Variants in GAB2 observed in about 807,000 individuals in gnomAD.
The protein encoded by GAB2 is GRB2-associated-binding protein 2.
A neutral mutation model predicts 65.5 loss-of-function variants in GAB2; 26 were observed. That is an observed-to-expected ratio of 0.40 (90% confidence interval 0.29 to 0.55). The LOEUF (loss-of-function observed/expected upper bound fraction) is 0.55. Ranked by LOEUF, GAB2 falls within the 20% of genes least tolerant of loss-of-function variation. The pLI is 0.53. For missense variants in GAB2, 884 were observed against 875.8 expected, an observed-to-expected ratio of 1.01 and a Z score of -0.12; for synonymous variants, 321 against 329.6, an observed-to-expected ratio of 0.97 and a Z score of 0.28.
intron 1 of GAB2, among the ~76,000 whole-genome samples, chr11:78,343,348 C>CA (rs1465378522): frequency 8.6e-6 from 1 of 115,762 alleles, no homozygotes; most frequent in East Asian, 2.9e-4. Flanking sequence ...CAATGTAGTA[C>CA]AAGAAGGAAT....
intron 1 of GAB2, among the ~76,000 whole-genome samples, chr11:78,304,921 T>TA (rs1425101572): frequency 5.3e-5 from 8 of 152,358 alleles, no homozygotes; most frequent in Admixed American, 2.6e-4. Flanking sequence ...CAAACTGCTT[T>TA]AATGTGATAT....
intron 1 of GAB2, among the ~76,000 whole-genome samples, chr11:78,377,146 A>G (rs1302179410): frequency 6.6e-6 from 1 of 152,122 alleles, no homozygotes; most frequent in Non-Finnish European, 1.5e-5. Flanking sequence ...AAACCAATTA[A>G]ATCTATTTTC....
At chr11:78,317,103 G>T (rs925996641) in intron 1 of GAB2, among the ~76,000 whole-genome samples, 1 of 152,138 alleles carries the variant, frequency 6.6e-6, no homozygotes, top group South Asian at 2.1e-4. Flanking sequence ...GATTCAGAGA[G>T]ACAAAAAATA....
intron 1 of GAB2, among the ~76,000 whole-genome samples, chr11:78,285,253 G>A (rs117533921): frequency 6.6e-6 from 1 of 152,178 alleles, no homozygotes; most frequent in African/African-American, 2.4e-5. Context: ...TGGTATGCAG[G>A]TGCAAGCACA....
At position 78,392,895 on chromosome 11, in the gene GAB2, A is replaced by G. The variant is rs186961252; in HGVS notation, c.75+24751T>C. On this transcript the variant is annotated intron_variant, in intron 1 of 9. Transcript: ENST00000361507. ...CACTCCAAGTGGAGTTAATCACCCT[A>G]TTCTACTTTCTTGCAACACTTTCCA... Among the ~76,000 whole-genome samples, 3 of 152,262 alleles carry G rather than the reference A, an allele frequency of 2.0e-5. No homozygotes were observed. In the East Asian group the frequency reaches 5.8e-4, roughly 29 times the overall value.
At chr11:78,283,175 T>C (rs1866377660) in intron 1 of GAB2, among the ~76,000 whole-genome samples, 1 of 152,212 alleles carries the variant, frequency 6.6e-6, no homozygotes, top group Non-Finnish European at 1.5e-5. Flanking sequence ...CTCTTTTATA[T>C]CTTATTTCAT....
chr11:78,391,860 T>A (rs1404573521), intron 1 of GAB2, among the ~76,000 whole-genome samples: 1 of 152,188 alleles, frequency 6.6e-6, no homozygotes, highest in Non-Finnish European at 1.5e-5. Context: ...CTTTTGGGCA[T>A]GCTTTAATCA....
intron 1 of GAB2, among the ~76,000 whole-genome samples, chr11:78,316,611 T>C (rs987870459): frequency 6.6e-6 from 1 of 152,184 alleles, no homozygotes; most frequent in Non-Finnish European, 1.5e-5. Context: ...CACCTATTAA[T>C]ATGGCTACTT....
At chr11:78,367,863 C>CA (rs1856518081) in intron 1 of GAB2, among the ~76,000 whole-genome samples, 1 of 147,770 alleles carries the variant, frequency 6.8e-6, no homozygotes, top group South Asian at 2.1e-4. Flanking sequence ...CTTGCTCTTC[C>CA]CCCCAGGCAG....
chr11:78,377,197 G>GC (rs1265971449), intron 1 of GAB2, among the ~76,000 whole-genome samples: 1 of 152,178 alleles, frequency 6.6e-6, no homozygotes, highest in Non-Finnish European at 1.5e-5. Context: ...TTCTAGCACT[G>GC]CAAGAACAGC....
At chr11:78,294,057 T>TC (rs1591008759) in intron 1 of GAB2, among the ~76,000 whole-genome samples, 1 of 152,106 alleles carries the variant, frequency 6.6e-6, no homozygotes. Flanking sequence ...CCTAATGCTA[T>TC]CCCCTCCCCG....
rs149273921 is a variant in GAB2 at position 78,286,729 on chromosome 11, G to A, written c.76-5828C>T. Among the ~76,000 whole-genome samples the A allele has an allele frequency of 2.2e-3, 329 of 152,290 alleles. 1 individual carries two copies. The highest frequency in any genetic ancestry group is 7.3e-3 in the African/African-American group (304 of 41,574). ...AAAGATGTGTAATAGATTCTCTATG[G>A]TGTGAGTTATTTGGCACCTTGTTCC... is the stretch of plus-strand genomic sequence containing the variant. On this transcript the variant is annotated intron_variant, in intron 1 of 9. Coordinates refer to ENST00000361507, the MANE Select transcript of GAB2 (RefSeq NM_080491.3).
In GAB2 at chr11:78,233,294, C is replaced by T. The variant is rs1004692661; in HGVS notation, c.621-6243G>A. 3.5e-4 allele frequency among the ~76,000 whole-genome samples: 54 copies of T among 152,150 alleles called. 1 individual carries two copies. The highest frequency in any genetic ancestry group is 1.3e-3 in the African/African-American group (53 of 41,426). On this transcript the variant is annotated intron_variant, in intron 3 of 9. Transcript: ENST00000361507. ...AAGCAATCCGCCTGTCTTGGTCTCCCAAAGTGCTGGGATTATAGGCATGAG... is the reference window on the plus strand; with the variant it reads ...AAGCAATCCGCCTGTCTTGGTCTCCTAAAGTGCTGGGATTATAGGCATGAG...
At chr11:78,247,213 A>C (rs1421643351) in intron 3 of GAB2, among the ~76,000 whole-genome samples, 2 of 152,100 alleles carry the variant, frequency 1.3e-5, no homozygotes, top group Non-Finnish European at 2.9e-5. Flanking sequence ...TCCTCTTTAC[A>C]ATCTATCTCC....
chr11:78,383,215 T>G lies in GAB2; in HGVS notation c.75+34431A>C, dbSNP rs187807042. On this transcript the variant is annotated intron_variant, in intron 1 of 9. Coordinates refer to ENST00000361507, the MANE Select transcript of GAB2 (RefSeq NM_080491.3). ...TGAACCTGGGAGGCAGAGGTTGCAG[T>G]GAGCTGAGACCATGCCATTGCACTC... Among the ~76,000 whole-genome samples the G allele has an allele frequency of 9.2e-4, 140 of 152,184 alleles. 1 individual carries two copies. Among genetic ancestry groups the G allele is most frequent in the African/African-American group, 3.3e-3 (136 of 41,528 alleles).
intron 1 of GAB2, among the ~76,000 whole-genome samples, chr11:78,319,718 TA>T (rs1855685045): frequency 6.6e-6 from 1 of 152,210 alleles, no homozygotes; most frequent in East Asian, 1.9e-4. Flanking sequence ...ATAAAATTAT[TA>T]AAGTGCACTT....
intron 1 of GAB2, among the ~76,000 whole-genome samples, chr11:78,374,895 T>A (rs1025718513): frequency 1.3e-4 from 20 of 152,176 alleles, no homozygotes; most frequent in African/African-American, 4.8e-4. Context: ...AGTTGCTAAA[T>A]TGGATCTTCA....
Position 78,388,689 on chromosome 11 carries a change from T to C in GAB2, c.75+28957A>G, listed in dbSNP as rs548662540. Among the ~76,000 whole-genome samples the C allele has an allele frequency of 1.9e-3, 293 of 152,282 alleles. 6 individuals carry two copies. Among genetic ancestry groups the C allele is most frequent in the Admixed American group, 0.017 (255 of 15,296 alleles). On this transcript the variant is annotated intron_variant, in intron 1 of 9. Transcript: ENST00000361507. Reference sequence around the variant, plus strand: ...CAGAACATAATTTCTCTTGTCTTTATCCAAATGTTCTCTACCAACCTTTTG... The same window carrying C: ...CAGAACATAATTTCTCTTGTCTTTACCCAAATGTTCTCTACCAACCTTTTG...
intron 1 of GAB2, among the ~76,000 whole-genome samples, chr11:78,338,138 A>G (rs542820739): frequency 6.6e-6 from 1 of 152,366 alleles, no homozygotes; most frequent in South Asian, 2.1e-4. Context: ...CATCACCATC[A>G]TAAGAGCATT....
Sources: gnomAD v4.1 joint callset for allele counts (sites outside exome capture counted in the v4.1 genomes callset) on GRCh38, gnomAD v4.1.1 for gene constraint, MANE v1.5 for transcripts, NCBI Gene and HGNC (gene_info 2026-07-23, HGNC 2026-07-21) for gene names.